The following USP6NL variants were observed in gnomAD, a reference collection of about 807,000 sequenced individuals.
The protein encoded by USP6NL is USP6 N-terminal-like protein.
USP6NL carries 26 observed loss-of-function variants against 61.9 expected under a neutral mutation model. That is an observed-to-expected ratio of 0.42 (90% CI 0.31 to 0.58). The LOEUF (loss-of-function observed/expected upper bound fraction) is 0.58. USP6NL is among the 20% of genes least tolerant of loss of function. The pLI is 0.16. For synonymous variants in USP6NL, 432 were observed against 390.1 expected (o/e 1.11, Z -1.27); for missense variants, 1,114 against 1,034.3 (o/e 1.08, Z -1.06).
intron 6 of USP6NL, 23 bp downstream of exon 6, chr10:11,509,572 G>A: frequency 6.6e-7 from 1 of 1,513,582 alleles, no homozygotes; most frequent in Non-Finnish European, 8.9e-7. Context: ...AGTTTCATAT[G>A]GAAAAACATG....
In USP6NL at chr10:11,493,127, A is replaced by G. The variant is rs756025908; in HGVS notation, c.486T>C (p.Tyr162=). The G allele has an allele frequency of 6.8e-5, 109 of 1,606,764 alleles. No individual in the cohort carries two copies. The Admixed American group carries it at 1.6e-3, about 23-fold the overall frequency. ...FRDHIMFRDR[Y]GVKQQSLFHV... is the part of the protein sequence containing the mutation. Reference sequence around the variant, plus strand: ...TATTAAACTTTACTCACTTAACACCATATCTGTCTCTAAACATAATGTGGT... The same window carrying G: ...TATTAAACTTTACTCACTTAACACCGTATCTGTCTCTAAACATAATGTGGT... Residue 162 remains tyrosine (Y), a synonymous_variant, in exon 8 of 15, where the codon TAT becomes TAC. Transcript: ENST00000609104.
chr10:11,521,896 T>C (rs1187267419), intron 4 of USP6NL, among the ~76,000 whole-genome samples: 1 of 152,244 alleles, frequency 6.6e-6, no homozygotes, highest in Non-Finnish European at 1.5e-5. Context: ...ACATTATCTA[T>C]CATTATCCAA....
rs190918361 is a variant in USP6NL, at chr10:11,502,652, C to A, written c.277-1444G>T. Among the ~76,000 whole-genome samples the A allele has an allele frequency of 1.2e-3, 177 of 152,226 alleles. 3 individuals carry two copies. The highest frequency in any genetic ancestry group is 1.6e-4 in the Non-Finnish European group (11 of 68,016). On this transcript the variant is annotated intron_variant, in intron 6 of 14. Transcript: ENST00000609104. ...GGCTTTAACTATTACACTACTGAGA[C>A]TTTTTTAAACTAAAGCTTTAGTGAC...
chr10:11,564,166 T>C (rs564140446), intron 2 of USP6NL: 74 of 152,202 alleles, frequency 4.9e-4, no homozygotes, highest in Non-Finnish European at 9.3e-4. Context: ...ATCTGGTGTT[T>C]GCCAAATGGG....
At position 11,600,992 on chromosome 10, in the gene USP6NL, G is replaced by C. The variant is rs1248560537; in HGVS notation, c.-83-3275C>G. 6.6e-6 allele frequency among the ~76,000 whole-genome samples: 1 copy of C among 151,918 alleles called. No individual in the cohort carries two copies. Among genetic ancestry groups the C allele is most frequent in the Non-Finnish European group, 1.5e-5 (1 of 67,974 alleles). ...CAAAGAAAAAAAAAAAGCTTATCAG[G>C]CAAACTCTAACCAAAAGAGAGACAT... On this transcript the variant is annotated intron_variant, in intron 1 of 14. Transcript: ENST00000609104. This position sits in a 1 kb window ranked among gnomAD's most constrained non-coding sequence, Gnocchi z 4.1.
intron 1 of USP6NL, among the ~76,000 whole-genome samples, chr10:11,603,814 C>A (rs1053761481): frequency 1.8e-4 from 27 of 152,090 alleles, no homozygotes; most frequent in African/African-American, 6.0e-4. Context: ...ACAGTCAAGG[C>A]TATATAAAGG....
intron 2 of USP6NL, among the ~76,000 whole-genome samples, chr10:11,560,720 A>G (rs1431473423): frequency 3.4e-5 from 5 of 145,802 alleles, no homozygotes; most frequent in Non-Finnish European, 7.5e-5. Context: ...TATATTATAT[A>G]TATATATATA....
chr10:11,487,802 C>A lies in USP6NL; in HGVS notation c.664+1300G>T, dbSNP rs1000064430. Among the ~76,000 whole-genome samples, 2 of 152,110 alleles carry A rather than the reference C, an allele frequency of 1.3e-5. No homozygotes were observed. Among genetic ancestry groups the A allele is most frequent in the Non-Finnish European group, 2.9e-5 (2 of 68,002 alleles). ...AAAGACAAATGCAAACACATACATACCCCCCTCACTCTTCCACACACACAC... is the reference window on the plus strand; with the variant it reads ...AAAGACAAATGCAAACACATACATAACCCCCTCACTCTTCCACACACACAC... On this transcript the variant is annotated intron_variant, in intron 10 of 14. Transcript: ENST00000609104. The surrounding 1 kb of genome is among the most constrained non-coding windows in gnomAD (Gnocchi z 4.2).
intron 2 of USP6NL, among the ~76,000 whole-genome samples, chr10:11,570,623 G>T (rs1234353874): frequency 6.6e-6 from 1 of 152,176 alleles, no homozygotes; most frequent in African/African-American, 2.4e-5. Context: ...AACATACACT[G>T]TTTTTCAAAA....
chr10:11,523,359 G>C (rs756012168), intron 4 of USP6NL, among the ~76,000 whole-genome samples: 2 of 152,184 alleles, frequency 1.3e-5, no homozygotes, highest in Non-Finnish European at 2.9e-5. Flanking sequence ...AAAATCACTG[G>C]ATCCACATTT....
intron 2 of USP6NL, among the ~76,000 whole-genome samples, chr10:11,541,773 C>T (rs1286493025): frequency 6.6e-6 from 1 of 152,244 alleles, no homozygotes; most frequent in Admixed American, 6.5e-5. Context: ...AATAAATCAT[C>T]TACCTACTGT....
At position 11,589,638 on chromosome 10, in the gene USP6NL, C is replaced by CT. The variant is rs1209208460; in HGVS notation, c.4+7992dup. Among the ~76,000 whole-genome samples the CT allele has an allele frequency of 6.6e-6, 1 of 152,164 alleles. No individual in the cohort carries two copies. The highest frequency in any genetic ancestry group is 1.5e-5 in the Non-Finnish European group (1 of 68,034). Reference sequence around the variant, plus strand: ...ACCAGTGAAGAGATCAAACACAGTGCTTTACTGTAGTGTTCAAACCTTTAC... The same window carrying CT: ...ACCAGTGAAGAGATCAAACACAGTGCTTTTACTGTAGTGTTCAAACCTTTAC... On this transcript the variant is annotated intron_variant, in intron 2 of 14. Transcript: ENST00000609104. This position sits in a 1 kb window ranked among gnomAD's most constrained non-coding sequence, Gnocchi z 4.7.
In USP6NL at chr10:11,525,702, G is replaced by A. The variant is rs1013577961; in HGVS notation, c.73-234C>T. On this transcript the variant is annotated intron_variant, in intron 3 of 14. Transcript: ENST00000609104. This position sits in a 1 kb window ranked among gnomAD's most constrained non-coding sequence, Gnocchi z 5.0. ...TGGAAGATGCTGTGTGTCAGCAGCA[G>A]CTGACGCGGAGCTGAGCCAGGATCA... 1.3e-5 allele frequency among the ~76,000 whole-genome samples: 2 copies of A among 152,142 alleles called. No homozygotes were observed. The highest frequency in any genetic ancestry group is 4.8e-5 in the African/African-American group (2 of 41,426).
intron 14 of USP6NL, among the ~76,000 whole-genome samples, chr10:11,469,635 G>C (rs531875125): frequency 6.0e-4 from 92 of 152,296 alleles, no homozygotes; most frequent in African/African-American, 2.2e-3. Context: ...AGGAGACAGG[G>C]ATATAAGAAA....
At chr10:11,464,398 G>A (rs146939115) in intron 14 of USP6NL, among the ~76,000 whole-genome samples, 23 of 152,212 alleles carry the variant, frequency 1.5e-4, no homozygotes, top group Non-Finnish European at 1.9e-4. Flanking sequence ...TCAGAAAGCT[G>A]TACCTGTAAG....
intron 2 of USP6NL, among the ~76,000 whole-genome samples, chr10:11,545,283 G>A (rs1169193329): frequency 3.3e-5 from 5 of 152,110 alleles, no homozygotes; most frequent in African/African-American, 4.8e-5. Context: ...TTGGGGTAAG[G>A]TCCCCTCAGC....
intron 2 of USP6NL, among the ~76,000 whole-genome samples, chr10:11,535,441 T>G (rs1424569208): frequency 6.6e-6 from 1 of 152,122 alleles, no homozygotes; most frequent in Non-Finnish European, 1.5e-5. Context: ...AATAAAGAGC[T>G]TAATAGGCAA....
intron 2 of USP6NL, among the ~76,000 whole-genome samples, chr10:11,581,090 T>C (rs1837750039): frequency 6.6e-6 from 1 of 152,198 alleles, no homozygotes; most frequent in South Asian, 2.1e-4. Flanking sequence ...TCTATTTTCT[T>C]CTTTTTGTCA....
At chr10:11,579,144 A>G (rs1254488206) in intron 2 of USP6NL, among the ~76,000 whole-genome samples, 2 of 152,218 alleles carry the variant, frequency 1.3e-5, no homozygotes, top group African/African-American at 4.8e-5. Context: ...AGGCACTGGG[A>G]ATTAGAGACT....
Sources: gnomAD v4.1 joint callset for allele counts (sites outside exome capture counted in the v4.1 genomes callset) on GRCh38, gnomAD v4.1.1 for gene constraint, Gnocchi (gnomAD v3.1) non-coding constraint, MANE v1.5 for transcripts, NCBI Gene and HGNC (gene_info 2026-07-23, HGNC 2026-07-21) for gene names.